Variants in KCNQ1 observed in about 807,000 individuals in gnomAD.
KCNQ1 encodes the protein potassium voltage-gated channel subfamily KQT member 1.
In KCNQ1, 49 loss-of-function variants were observed where a neutral mutation model predicts 72.4. The observed-to-expected ratio is 0.68, with a 90% CI of 0.54 to 0.86. The LOEUF (loss-of-function observed/expected upper bound fraction) is 0.86, where lower values mean the gene tolerates loss of function less well. Ranked by LOEUF, KCNQ1 falls within the 40% of genes least tolerant of loss-of-function variation. The pLI, the probability that KCNQ1 is intolerant of heterozygous loss-of-function variation, is 0.00. For missense variants in KCNQ1, 790 were observed against 945.1 expected, an observed-to-expected ratio of 0.84 and a Z score of 2.15; for synonymous variants, 450 against 412.6, an observed-to-expected ratio of 1.09 and a Z score of -1.10.
rs1846049404 is a variant in KCNQ1, at chr11:2,447,063, C to G, written c.386+1579C>G. ...AAGGCAAAGTGCCCGCAGACCCCCTCAATTCTCACTTGTATTCAGGTTTGT... is the reference window on the plus strand; with the variant it reads ...AAGGCAAAGTGCCCGCAGACCCCCTGAATTCTCACTTGTATTCAGGTTTGT... On this transcript the variant is annotated intron_variant, in intron 1 of 15. Transcript: ENST00000155840. The surrounding 1 kb of genome is among the most constrained non-coding windows in gnomAD (Gnocchi z 7.6). Among the ~76,000 whole-genome samples the G allele has an allele frequency of 6.6e-6, 1 of 152,306 alleles. No individual in the cohort carries two copies. The highest frequency in any genetic ancestry group is 1.9e-4 in the East Asian group (1 of 5,184).
Position 2,508,584 on chromosome 11 carries a change from G to A in KCNQ1, c.387-19344G>A, listed in dbSNP as rs1244852510. ...TCCCAGCCTCCATGTACGGGGCTGG[G>A]ACCCACCAGGACCCAGACTCCCAGA... On this transcript the variant is annotated intron_variant, in intron 1 of 15. Coordinates refer to ENST00000155840, the MANE Select transcript of KCNQ1 (RefSeq NM_000218.3). The surrounding 1 kb of genome is among the most constrained non-coding windows in gnomAD (Gnocchi z 6.2). Among the ~76,000 whole-genome samples the A allele has an allele frequency of 6.6e-6, 1 of 152,050 alleles. No homozygotes were observed. Among genetic ancestry groups the A allele is most frequent in the Non-Finnish European group, 1.5e-5 (1 of 68,016 alleles).
chr11:2,833,077 G>A (rs1448184428), intron 15 of KCNQ1, among the ~76,000 whole-genome samples: 1 of 152,204 alleles, frequency 6.6e-6, no homozygotes, highest in Non-Finnish European at 1.5e-5. Flanking sequence ...GGGGATAAGA[G>A]GTTGGCAGCA....
chr11:2,654,295 G>T lies in KCNQ1; in HGVS notation c.1394-7666G>T, dbSNP rs960390365. 7.5e-6 allele frequency: 3 copies of T among 398,770 alleles called. No individual in the cohort carries two copies. Among genetic ancestry groups the T allele is most frequent in the South Asian group, 1.3e-4 (1 of 7,860 alleles). 24.7% of individuals were successfully genotyped at this position (398,770 alleles called of 1,614,324 possible). ...CAGGGCTTTGGTGAATCCACTGAGA[G>T]GGGGAGATTTCTTGAGGGGGCCAGG... On this transcript the variant is annotated intron_variant, in intron 10 of 15. Coordinates refer to ENST00000155840, the MANE Select transcript of KCNQ1 (RefSeq NM_000218.3). This position sits in a 1 kb window ranked among gnomAD's most constrained non-coding sequence, Gnocchi z 6.4.
At chr11:2,833,715 C>T (rs1024595376) in intron 15 of KCNQ1, among the ~76,000 whole-genome samples, 21 of 152,228 alleles carry the variant, frequency 1.4e-4, no homozygotes, top group African/African-American at 4.6e-4. Context: ...TGGCTGTGAC[C>T]GTGCAGTCCA....
chr11:2,832,929 C>T (rs974087177), intron 15 of KCNQ1, among the ~76,000 whole-genome samples: 1 of 152,164 alleles, frequency 6.6e-6, no homozygotes, highest in Admixed American at 6.5e-5. Flanking sequence ...TCCACTCTCC[C>T]ACTTTGACCT....
At chr11:2,788,954 T>G (rs914555466) in intron 15 of KCNQ1, among the ~76,000 whole-genome samples, 16 of 152,230 alleles carry the variant, frequency 1.1e-4, no homozygotes, top group Admixed American at 9.8e-4. Flanking sequence ...TGGGGCCAGG[T>G]TGAGTCTGCT....
intron 11 of KCNQ1, chr11:2,665,287 A>AT: frequency 2.5e-6 from 1 of 398,410 alleles, no homozygotes; most frequent in Non-Finnish European, 4.4e-6. Flanking sequence ...TCCCACCCAG[A>AT]ACCATATGAC....
rs903196793 is a variant in KCNQ1, at chr11:2,712,383, G to A, written c.1514+50302G>A. On this transcript the variant is annotated intron_variant, in intron 11 of 15. Coordinates refer to ENST00000155840, the MANE Select transcript of KCNQ1 (RefSeq NM_000218.3). The surrounding 1 kb of genome is among the most constrained non-coding windows in gnomAD (Gnocchi z 6.4). ...TGGGGCTGGGGTGCAAATGGGGCAG[G>A]AACAGGAGTCCGGCCTGGGGGATGT... Among the ~76,000 whole-genome samples, 1 of 152,114 alleles carries A rather than the reference G, an allele frequency of 6.6e-6. No homozygotes were observed. The highest frequency in any genetic ancestry group is 2.4e-5 in the African/African-American group (1 of 41,424).
At chr11:2,685,920 G>A in intron 11 of KCNQ1, 1 of 398,756 alleles carries the variant, frequency 2.5e-6, no homozygotes. Flanking sequence ...GCCTGACCAA[G>A]TTCTGGGCCC....
Position 2,674,225 on chromosome 11 carries a change from A to G in KCNQ1, c.1514+12144A>G. The G allele has an allele frequency of 7.5e-6, 3 of 398,672 alleles. No individual in the cohort carries two copies. The highest frequency in any genetic ancestry group is 8.8e-6 in the Non-Finnish European group (2 of 226,164). 24.7% of individuals were successfully genotyped at this position (398,672 alleles called of 1,614,324 possible). On this transcript the variant is annotated intron_variant, in intron 11 of 15. Coordinates refer to ENST00000155840, the MANE Select transcript of KCNQ1 (RefSeq NM_000218.3). The surrounding 1 kb of genome is among the most constrained non-coding windows in gnomAD (Gnocchi z 5.9). ...GTTGTGGGTTTTTCTTGGGGCCCAG[A>G]TAGATGTGAGCAGAGCTGGAGGCCC...
chr11:2,590,516 G>A (rs1554895388), intron 10 of KCNQ1, among the ~76,000 whole-genome samples: 2 of 152,218 alleles, frequency 1.3e-5, no homozygotes, highest in Non-Finnish European at 1.5e-5. Context: ...TGCCCTCCCA[G>A]CATGGGAGAG....
chr11:2,522,736 C>A (rs1233862113), intron 1 of KCNQ1, among the ~76,000 whole-genome samples: 1 of 152,244 alleles, frequency 6.6e-6, no homozygotes, highest in Non-Finnish European at 1.5e-5. Flanking sequence ...CCACCATCTG[C>A]CTGGCCTGCG....
At position 2,481,398 on chromosome 11, in the gene KCNQ1, G is replaced by T. The variant is rs984860150; in HGVS notation, c.386+35914G>T. 6.6e-6 allele frequency among the ~76,000 whole-genome samples: 1 copy of T among 152,100 alleles called. No homozygotes were observed. The highest frequency in any genetic ancestry group is 6.5e-5 in the Admixed American group (1 of 15,274). On this transcript the variant is annotated intron_variant, in intron 1 of 15. Coordinates refer to ENST00000155840, the MANE Select transcript of KCNQ1 (RefSeq NM_000218.3). This position sits in a 1 kb window ranked among gnomAD's most constrained non-coding sequence, Gnocchi z 4.6. The stretch of plus-strand genomic sequence containing the variant: ...GCACATGTTTCTACTTGGTCTTTGT[G>T]TGTGTGTTAAGGGCGTGTACACACA...
Position 2,725,487 on chromosome 11 carries a change from C to A in KCNQ1, c.1515-43357C>A, listed in dbSNP as rs1379084192. 6.6e-6 allele frequency among the ~76,000 whole-genome samples: 1 copy of A among 152,200 alleles called. No homozygotes were observed. The highest frequency in any genetic ancestry group is 1.9e-4 in the East Asian group (1 of 5,194). On this transcript the variant is annotated intron_variant, in intron 11 of 15. Transcript: ENST00000155840. This position sits in a 1 kb window ranked among gnomAD's most constrained non-coding sequence, Gnocchi z 7.2. ...ATTTGTCCGGTTGGGGGTCCCCAAT[C>A]GTCTTCGAGCTACTGATATAGAACC...
intron 1 of KCNQ1, among the ~76,000 whole-genome samples, chr11:2,511,059 G>A (rs979232153): frequency 5.3e-5 from 8 of 152,154 alleles, no homozygotes; most frequent in South Asian, 4.2e-4. Flanking sequence ...GTTCATTTAC[G>A]GTTTATTTTC....
intron 11 of KCNQ1, among the ~76,000 whole-genome samples, chr11:2,730,523 T>C (rs565069806): frequency 2.0e-5 from 3 of 152,188 alleles, no homozygotes; most frequent in South Asian, 4.2e-4. Context: ...CTTTCTCTTA[T>C]GGGGAGTGCA....
intron 11 of KCNQ1, among the ~76,000 whole-genome samples, chr11:2,702,456 G>A (rs1221313053): frequency 6.6e-6 from 1 of 152,184 alleles, no homozygotes; most frequent in Admixed American, 6.5e-5. Flanking sequence ...CTACTAAAGA[G>A]TGACAAAGGG....
intron 11 of KCNQ1, among the ~76,000 whole-genome samples, chr11:2,740,775 G>C (rs1417367047): frequency 6.6e-6 from 1 of 152,192 alleles, no homozygotes; most frequent in Non-Finnish European, 1.5e-5. Flanking sequence ...AGGCGGCTGC[G>C]GCTCATGGCA....
At position 2,657,433 on chromosome 11, in the gene KCNQ1, A is replaced by G. The variant is rs916645765; in HGVS notation, c.1394-4528A>G. 45 of 398,452 alleles carry G rather than the reference A, an allele frequency of 1.1e-4. No individual in the cohort carries two copies. Among genetic ancestry groups the G allele is most frequent in the Non-Finnish European group, 1.9e-4 (42 of 226,052 alleles). The allele number at this position is 398,452 out of a possible 1,614,324, so 24.7% of individuals were successfully genotyped here. ...AGAGTTCTTGCATATACTTAGTTAG[A>G]TAATTAATATTCTTTTGTGCTATTG... On this transcript the variant is annotated intron_variant, in intron 10 of 15. Coordinates refer to ENST00000155840, the MANE Select transcript of KCNQ1 (RefSeq NM_000218.3). This position sits in a 1 kb window ranked among gnomAD's most constrained non-coding sequence, Gnocchi z 4.8.
Sources: allele counts gnomAD v4.1 joint callset (sites outside exome capture counted in the v4.1 genomes callset), GRCh38; gene constraint gnomAD v4.1.1; non-coding constraint Gnocchi (gnomAD v3.1); transcripts MANE v1.5; gene names NCBI Gene and HGNC (gene_info 2026-07-23, HGNC 2026-07-21).